Variants in KANK1 observed in about 807,000 individuals in gnomAD.
KANK1 encodes KN motif and ankyrin repeat domains 1.
Under a neutral mutation model 106.2 loss-of-function variants are expected in KANK1, and 109 were observed. The observed-to-expected ratio is 1.03, with a 90% CI of 0.88 to 1.20. The LOEUF (loss-of-function observed/expected upper bound fraction) is 1.20, where lower values mean the gene tolerates loss of function less well. Among genes scored for constraint, KANK1 ranks in the 50% most tolerant of loss-of-function variants. The probability of loss-of-function intolerance (pLI) is 0.00; values close to 1 mark genes in which losing one functional copy is unlikely to be tolerated. For missense variants in KANK1, 2,399 were observed against 1,710.7 expected, an observed-to-expected ratio of 1.40 and a Z score of -7.10; for synonymous variants, 873 against 652.2, an observed-to-expected ratio of 1.34 and a Z score of -5.16.
upstream of KANK1, chr9:504,585 T>G (rs2058639687): frequency 1.3e-5 from 2 of 149,658 alleles, no homozygotes; most frequent in African/African-American, 5.0e-5. Flanking sequence ...GTGAGAGGCT[T>G]GCTGGTCCGC....
intron 2 of KANK1, among the ~76,000 whole-genome samples, chr9:687,167 T>C (rs1170840172): frequency 1.3e-5 from 2 of 152,178 alleles, no homozygotes; most frequent in Non-Finnish European, 1.5e-5. Context: ...TAAATGACCA[T>C]ACAGATGTAT....
intron 1 of KANK1, among the ~76,000 whole-genome samples, chr9:595,241 C>A (rs1488377464): frequency 6.6e-6 from 1 of 151,528 alleles, no homozygotes; most frequent in African/African-American, 2.4e-5. Context: ...TGGTGAGACC[C>A]TGTCTCTACT....
chr9:701,641 G>T (rs1169650748), intron 2 of KANK1, among the ~76,000 whole-genome samples: 1 of 151,968 alleles, frequency 6.6e-6, no homozygotes, highest in Admixed American at 6.6e-5. Flanking sequence ...ATATCTTCAG[G>T]CATTGCCAAA....
At chr9:741,791 CTTT>C (rs921214563) in intron 9 of KANK1, among the ~76,000 whole-genome samples, 2 of 151,594 alleles carry the variant, frequency 1.3e-5, no homozygotes, top group African/African-American at 4.8e-5. Context: ...CAGCCCCTGG[CTTT>C]TTTTTAAGTA....
intron 10 of KANK1, among the ~76,000 whole-genome samples, chr9:743,265 C>CAA (rs1343822807): frequency 6.6e-6 from 1 of 152,124 alleles, no homozygotes; most frequent in Non-Finnish European, 1.5e-5. Context: ...CTTCTGGGCC[C>CAA]AAGCCAGTAG....
At chr9:612,211 A>G (rs1830730060) in intron 1 of KANK1, among the ~76,000 whole-genome samples, 1 of 152,200 alleles carries the variant, frequency 6.6e-6, no homozygotes, top group Non-Finnish European at 1.5e-5. Flanking sequence ...TGTAGAGAAA[A>G]TACACAAAGC....
chr9:479,355 C>T (rs567103461), intron 3 of KANK1, among the ~76,000 whole-genome samples: 6 of 152,280 alleles, frequency 3.9e-5, no homozygotes, highest in East Asian at 1.9e-4. Flanking sequence ...ACAAGAACCA[C>T]GCAGCCCTGA....
chr9:508,620 G>C (rs993504819), intron 1 of KANK1, among the ~76,000 whole-genome samples: 2 of 146,350 alleles, frequency 1.4e-5, no homozygotes, highest in East Asian at 3.8e-4. Flanking sequence ...AGTTTTATCT[G>C]TTTTCATGCT....
chr9:620,337 C>T (rs1000336990), intron 1 of KANK1, among the ~76,000 whole-genome samples: 1 of 152,082 alleles, frequency 6.6e-6, no homozygotes, highest in Non-Finnish European at 1.5e-5. Flanking sequence ...TAAATAAAAC[C>T]TGCTTTCTTG....
intron 1 of KANK1, among the ~76,000 whole-genome samples, chr9:565,149 A>G (rs566788771): frequency 6.6e-6 from 1 of 152,238 alleles, no homozygotes; most frequent in Non-Finnish European, 1.5e-5. Context: ...TAGGCATGTC[A>G]GGTAAACTTT....
chr9:547,330 G>A (rs1018628930), intron 1 of KANK1: 5 of 152,134 alleles, frequency 3.3e-5, no homozygotes, highest in Non-Finnish European at 5.9e-5. Context: ...GAACTGTCTC[G>A]GAAAGCCCTG....
chr9:636,078 G>T lies in KANK1; in HGVS notation c.-83-40812G>T, dbSNP rs552026841. ...TTCTGATATTCTCAGACAAATAAAT[G>T]GTTGTACATCAGAATTATTGGAGGA... is the stretch of plus-strand genomic sequence containing the variant. On this transcript the variant is annotated intron_variant, in intron 1 of 11. Transcript: ENST00000382297. 2.0e-4 allele frequency among the ~76,000 whole-genome samples: 31 copies of T among 152,234 alleles called. 1 individual carries two copies. The highest frequency in any genetic ancestry group is 7.0e-4 in the African/African-American group (29 of 41,528).
chr9:623,963 A>T (rs1256476480), intron 1 of KANK1, among the ~76,000 whole-genome samples: 1 of 151,438 alleles, frequency 6.6e-6, no homozygotes, highest in African/African-American at 2.4e-5. Flanking sequence ...AATAGCAAAG[A>T]TATGGAAACA....
chr9:524,625 C>G (rs1461132940), intron 1 of KANK1, among the ~76,000 whole-genome samples: 2 of 151,598 alleles, frequency 1.3e-5, no homozygotes, highest in African/African-American at 2.4e-5. Context: ...TCAAGCGATT[C>G]TTTTGCCTCA....
rs565751846 is a variant in KANK1 at position 628,937 on chromosome 9, G to T, written c.-83-47953G>T. ...CTACTAAAAATACAAAAAATTAGCT[G>T]GGCATGGTGATGGGCGCCTGTAATC... On this transcript the variant is annotated intron_variant, in intron 1 of 11. Transcript: ENST00000382297. Among the ~76,000 whole-genome samples, 3 of 151,552 alleles carry T rather than the reference G, an allele frequency of 2.0e-5. No homozygotes were observed. The South Asian group carries it at 6.3e-4, about 32-fold the overall frequency.
At chr9:541,150 C>A (rs1264021594) in intron 1 of KANK1, among the ~76,000 whole-genome samples, 1 of 151,820 alleles carries the variant, frequency 6.6e-6, no homozygotes, top group Non-Finnish European at 1.5e-5. Context: ...AAACAGAGAG[C>A]TGGAGGCATC....
chr9:697,106 C>T (rs1047075910), intron 2 of KANK1, among the ~76,000 whole-genome samples: 1 of 135,534 alleles, frequency 7.4e-6, no homozygotes, highest in Non-Finnish European at 1.6e-5. Context: ...GTGTGTGTGT[C>T]TGTGTGTAGA....
chr9:589,451 G>C (rs1191573838), intron 1 of KANK1, among the ~76,000 whole-genome samples: 2 of 152,188 alleles, frequency 1.3e-5, no homozygotes, highest in Admixed American at 1.3e-4. Flanking sequence ...GCCACTGGGA[G>C]GAGGGAGCAG....
intron 2 of KANK1, among the ~76,000 whole-genome samples, chr9:691,832 G>T (rs535727950): frequency 1.3e-5 from 2 of 150,152 alleles, no homozygotes; most frequent in East Asian, 2.0e-4. Context: ...ATCCAGGCTG[G>T]TCTCAAACTC....
Sources: allele counts gnomAD v4.1 joint callset (sites outside exome capture counted in the v4.1 genomes callset), GRCh38; gene constraint gnomAD v4.1.1; transcripts MANE v1.5; gene names NCBI Gene and HGNC (gene_info 2026-07-23, HGNC 2026-07-21).